Variants in KIAA1755 observed in about 807,000 individuals in gnomAD.
The protein encoded by KIAA1755 is KIAA1755, also known as uncharacterized protein KIAA1755.
A neutral mutation model predicts 91.7 loss-of-function variants in KIAA1755; 68 were observed. The ratio of observed to expected loss-of-function variants is 0.74; its 90% confidence interval spans 0.61 to 0.91. The LOEUF (loss-of-function observed/expected upper bound fraction) is 0.91, where lower values mean the gene tolerates loss of function less well. Among genes scored for constraint, KIAA1755 ranks in the 40% least tolerant of loss-of-function variants. The pLI, the probability that KIAA1755 is intolerant of heterozygous loss-of-function variation, is 0.00. For synonymous variants in KIAA1755, 610 were observed against 604.6 expected (o/e 1.01, Z -0.13); for missense variants, 1,535 against 1,494.4 (o/e 1.03, Z -0.45).
At chr20:38,230,645 T>C (rs546203353) in intron 5 of KIAA1755, among the ~76,000 whole-genome samples, 235 of 152,282 alleles carry the variant, frequency 1.5e-3, no homozygotes, top group Non-Finnish European at 2.9e-3. Context: ...TCTCAGCACT[T>C]TGGGAGGCCG....
chr20:38,212,879 C>CGTATCATTAAAAAA lies in KIAA1755; in HGVS notation c.*162_*163insTTTTTTAATGATAC. ...GGGTCTTCCAGGAGTTTTCTGGAGCCAGGGGCAGGTCGACAGTTCTCATCC... is the reference window on the plus strand; with the variant it reads ...GGGTCTTCCAGGAGTTTTCTGGAGCCGTATCATTAAAAAAAGGGGCAGGTCGACAGTTCTCATCC... On this transcript the variant is annotated 3_prime_UTR_variant, in exon 14 of 14. Coordinates refer to ENST00000279024, the MANE Select transcript of KIAA1755 (RefSeq NM_001029864.2). 1 of 570,882 alleles carries CGTATCATTAAAAAA rather than the reference C, an allele frequency of 1.8e-6. No individual in the cohort carries two copies. The highest frequency in any genetic ancestry group is 3.0e-6 in the Non-Finnish European group (1 of 334,028). The allele number at this position is 570,882 out of a possible 1,614,324, so 35.4% of individuals were successfully genotyped here.
At chr20:38,230,707 G>A (rs1158853675) in intron 5 of KIAA1755, among the ~76,000 whole-genome samples, 1 of 152,124 alleles carries the variant, frequency 6.6e-6, no homozygotes, top group African/African-American at 2.4e-5. Flanking sequence ...TGACCAACAT[G>A]GAAAAATGCG....
At chr20:38,225,553 A>G (rs2075740181) in intron 8 of KIAA1755, 112 bp downstream of exon 8, 4 of 796,262 alleles carry the variant, frequency 5.0e-6, no homozygotes, top group Middle Eastern at 2.4e-4. Context: ...ACATTTGTTG[A>G]GTGACCGTTT....
At chr20:38,232,226 C>A (rs1330794028) in intron 4 of KIAA1755, among the ~76,000 whole-genome samples, 2 of 152,216 alleles carry the variant, frequency 1.3e-5, no homozygotes, top group African/African-American at 4.8e-5. Context: ...GCTCACGAAG[C>A]CTTGGACAAA....
rs2075616816 is a variant in KIAA1755 at position 38,219,539 on chromosome 20, C to T, written c.2556+91G>A. ...TTGGTGTCCTTTCTCCAGAACAAAG[C>T]ACCTGACTAGGGACGGGCCCAGAGT... On this transcript the variant is annotated intron_variant, in intron 11 of 13. Transcript: ENST00000279024. 4 of 1,529,314 alleles carry T rather than the reference C, an allele frequency of 2.6e-6. No individual in the cohort carries two copies. In the African/African-American group the frequency reaches 4.1e-5, roughly 16 times the overall value. 94.7% of individuals were successfully genotyped at this position (1,529,314 alleles called of 1,614,324 possible). A position where few individuals can be genotyped will look rare whatever the true frequency, so the allele number is the denominator to read the frequency against.
At chr20:38,259,767 T>C (rs1451135722) in intron 1 of KIAA1755, among the ~76,000 whole-genome samples, 1 of 150,628 alleles carries the variant, frequency 6.6e-6, no homozygotes, top group African/African-American at 2.5e-5. Flanking sequence ...AGACTTTTCT[T>C]TCATTCCCTG....
At chr20:38,252,962 G>A (rs755382025) in intron 1 of KIAA1755, among the ~76,000 whole-genome samples, 1 of 152,186 alleles carries the variant, frequency 6.6e-6, no homozygotes, top group Non-Finnish European at 1.5e-5. Flanking sequence ...CGGCAGCCCA[G>A]CCTGGGACCA....
chr20:38,225,267 G>A (rs1035893587), intron 8 of KIAA1755, among the ~76,000 whole-genome samples: 13 of 152,178 alleles, frequency 8.5e-5, no homozygotes, highest in Non-Finnish European at 1.6e-4. Context: ...CTCCCAAAGT[G>A]CTGGGATTAC....
chr20:38,250,513 T>TGTGTGTGC (rs2076232595), intron 1 of KIAA1755, among the ~76,000 whole-genome samples: 3 of 103,094 alleles, frequency 2.9e-5, no homozygotes, highest in Non-Finnish European at 6.1e-5. Context: ...TGTGTGTGTC[T>TGTGTGTGC]GTGTGTGTGT....
At chr20:38,220,982 A>G (rs2075648837) in intron 10 of KIAA1755, among the ~76,000 whole-genome samples, 1 of 152,224 alleles carries the variant, frequency 6.6e-6, no homozygotes, top group Non-Finnish European at 1.5e-5. Flanking sequence ...GGAATCTCCA[A>G]CCCTGCTCTG....
At chr20:38,235,723 C>T (rs930707057) in intron 4 of KIAA1755, among the ~76,000 whole-genome samples, 1 of 152,162 alleles carries the variant, frequency 6.6e-6, no homozygotes, top group African/African-American at 2.4e-5. Context: ...ACATACAGAG[C>T]GATCAGATAA....
In KIAA1755 at chr20:38,241,542, G is replaced by A. The variant is rs150028653; in HGVS notation, c.589C>T (p.Leu197Phe). ...GGAAGGGGCCCCCAGGCTTGGCAGA[G>A]GGCATTCACTACTTGGGGTCTGTCA... ...VDDRPQVVNA[L>F]CQAWGPLPLE... The change falls in exon 3 of 14, where the codon CTC becomes TTC. Residue 197 changes from leucine (L) to phenylalanine (F), a missense_variant. Leu to Phe is a conservative substitution (Grantham distance 22). Coordinates refer to ENST00000279024, the MANE Select transcript of KIAA1755 (RefSeq NM_001029864.2). 5.0e-6 allele frequency: 8 copies of A among 1,614,248 alleles called. No individual in the cohort carries two copies. The East Asian group carries it at 6.7e-5, about 13-fold the overall frequency.
At chr20:38,234,992 G>T (rs2075933677) in intron 4 of KIAA1755, among the ~76,000 whole-genome samples, 1 of 152,130 alleles carries the variant, frequency 6.6e-6, no homozygotes. Context: ...GAGGGTGGTG[G>T]GTAAGTCGGG....
At chr20:38,229,139 A>C (rs2075816361) in intron 5 of KIAA1755, among the ~76,000 whole-genome samples, 1 of 152,234 alleles carries the variant, frequency 6.6e-6, no homozygotes. Context: ...CTCAAGCCTT[A>C]CAACCACTCA....
chr20:38,236,215 G>A (rs898629229), intron 4 of KIAA1755, among the ~76,000 whole-genome samples: 1 of 152,232 alleles, frequency 6.6e-6, no homozygotes, highest in Non-Finnish European at 1.5e-5. Context: ...GTTGGGAAGT[G>A]TGGGGTGAGG....
At chr20:38,216,079 A>T (rs1297063072) in intron 13 of KIAA1755, among the ~76,000 whole-genome samples, 1 of 152,176 alleles carries the variant, frequency 6.6e-6, no homozygotes, top group Non-Finnish European at 1.5e-5. Context: ...GATACGTGAA[A>T]TGACTAGAAC....
At position 38,228,205 on chromosome 20, in the gene KIAA1755, A is replaced by T; in HGVS notation, c.1907T>A (p.Ile636Asn). ...CTGTGGGGGCTGTCTCCTGGCGTCA[A>T]TCAGGACCGCCAGCCCCTTGGCTTT... Reference protein sequence around the residue: ...EDKAKGLAVLIDARRQPPQPG... With the variant: ...EDKAKGLAVLNDARRQPPQPG... The change falls in exon 6 of 14, where the codon ATT (isoleucine) becomes AAT (asparagine). Residue 636 changes from isoleucine to asparagine, a missense_variant. Ile to Asn is a moderately radical substitution (Grantham distance 149). Coordinates refer to ENST00000279024, the MANE Select transcript of KIAA1755 (RefSeq NM_001029864.2). 6.2e-7 allele frequency: 1 copy of T among 1,604,708 alleles called. No individual in the cohort carries two copies. Among genetic ancestry groups the T allele is most frequent in the South Asian group, 1.1e-5 (1 of 88,570 alleles).
intron 11 of KIAA1755, among the ~76,000 whole-genome samples, chr20:38,219,263 C>T (rs2075611089): frequency 6.6e-6 from 1 of 152,184 alleles, no homozygotes; most frequent in South Asian, 2.1e-4. Context: ...GATATGCAAC[C>T]ACAAGCAGGT....
intron 4 of KIAA1755, 63 bp downstream of exon 4, chr20:38,239,465 G>T: frequency 1.4e-6 from 2 of 1,455,744 alleles, no homozygotes; most frequent in South Asian, 1.1e-5. Context: ...CCCAACAGCA[G>T]CTGAAGATGC....
Sources: gnomAD v4.1 joint callset for allele counts (sites outside exome capture counted in the v4.1 genomes callset) on GRCh38, gnomAD v4.1.1 for gene constraint, MANE v1.5 for transcripts, NCBI Gene and HGNC (gene_info 2026-07-23, HGNC 2026-07-21) for gene names.